GALR1: variants seen among roughly 807,000 people sequenced by gnomAD.
The protein encoded by GALR1 is galanin receptor type 1.
A neutral mutation model predicts 17.9 loss-of-function variants in GALR1; 11 were observed. The observed-to-expected ratio is 0.62, with a 90% CI of 0.39 to 1.02. GALR1 has a LOEUF of 1.02. GALR1 is among the 50% of genes least tolerant of loss of function. The pLI is 0.01. For synonymous variants in GALR1, 206 were observed against 205.7 expected (o/e 1.00, Z -0.01); for missense variants, 441 against 456.9 (o/e 0.97, Z 0.32).
chr18:77,250,957 A>G lies in GALR1; in HGVS notation c.409A>G (p.Ile137Val). Residue 137 changes from isoleucine (I) to valine (V), a missense_variant, in exon 1 of 3, where the codon ATC (isoleucine) becomes GTC (valine). Coordinates refer to ENST00000299727, the MANE Select transcript of GALR1 (RefSeq NM_001480.4). ...AAMSVDRYVA[I>V]VHSRRSSSLR... ...GATGTCCGTGGACCGCTACGTGGCC[A>G]TCGTGCACTCGCGGCGCTCCTCCTC... 1 of 1,604,208 alleles carries G rather than the reference A, an allele frequency of 6.2e-7. No homozygotes were observed. Among genetic ancestry groups the G allele is most frequent in the Non-Finnish European group, 8.5e-7 (1 of 1,179,940 alleles).
rs1035443414 is a variant in GALR1 at position 77,269,778 on chromosome 18, G to T, written c.*876G>T. 2.6e-5 allele frequency: 4 copies of T among 152,140 alleles called. No homozygotes were observed. The highest frequency in any genetic ancestry group is 5.9e-5 in the Non-Finnish European group (4 of 68,024). 9.4% of individuals were successfully genotyped at this position (152,140 alleles called of 1,614,324 possible). A position where few individuals can be genotyped will look rare whatever the true frequency, so the allele number is the denominator to read the frequency against. ...AGAGAGATGAAAAAAAATCAGCGAGGTTGATGTAGATAATAATTTCTATGG... is the reference window on the plus strand; with the variant it reads ...AGAGAGATGAAAAAAAATCAGCGAGTTTGATGTAGATAATAATTTCTATGG... On this transcript the variant is annotated 3_prime_UTR_variant, in exon 3 of 3. Transcript: ENST00000299727.
At position 77,271,461 on chromosome 18, in the gene GALR1, G is replaced by A. The variant is rs916851610; in HGVS notation, c.*2559G>A. 2.0e-5 allele frequency: 3 copies of A among 152,106 alleles called. No homozygotes were observed. The highest frequency in any genetic ancestry group is 4.4e-5 in the Non-Finnish European group (3 of 68,032). The allele number at this position is 152,106 out of a possible 1,614,324, so 9.4% of individuals were successfully genotyped here. On this transcript the variant is annotated 3_prime_UTR_variant, in exon 3 of 3. Coordinates refer to ENST00000299727, the MANE Select transcript of GALR1 (RefSeq NM_001480.4). ...ATTTTCTGAATAAAGAGTTTCAGAA[G>A]AACTCGTAAACAGAATGAAATTAAC...
At chr18:77,266,274 C>T (rs1236101404) in intron 2 of GALR1, among the ~76,000 whole-genome samples, 1 of 152,150 alleles carries the variant, frequency 6.6e-6, no homozygotes, top group African/African-American at 2.4e-5. Context: ...CTGAGACTAC[C>T]TTAGCCTGGA....
Position 77,268,561 on chromosome 18 carries a change from C to T in GALR1, c.733-24C>T, listed in dbSNP as rs1306394574. 4.4e-6 allele frequency: 7 copies of T among 1,577,642 alleles called. No individual in the cohort carries two copies. In the African/African-American group the frequency reaches 9.4e-5, roughly 21 times the overall value. Reference sequence around the variant, plus strand: ...CTTACCGCCTCCTCCTCCTCCTCCTCCTCCTCCTCTTCTTCTTTTCTAGAC... The same window carrying T: ...CTTACCGCCTCCTCCTCCTCCTCCTTCTCCTCCTCTTCTTCTTTTCTAGAC... On this transcript the variant is annotated intron_variant, in intron 2 of 2. Transcript: ENST00000299727.
At chr18:77,267,465 T>C (rs559144293) in intron 2 of GALR1, among the ~76,000 whole-genome samples, 34 of 152,172 alleles carry the variant, frequency 2.2e-4, no homozygotes, top group Non-Finnish European at 3.7e-4. Flanking sequence ...CATAGAGTCG[T>C]AAAGGACATT....
At chr18:77,264,630 T>C (rs34495321) in intron 2 of GALR1, among the ~76,000 whole-genome samples, 22,104 of 152,066 alleles carry the variant, frequency 0.15, 1,735 homozygotes, top group African/African-American at 0.18. Flanking sequence ...AATAAAGACA[T>C]ACCCAAGACT....
At chr18:77,254,942 T>C (rs1313433682) in intron 1 of GALR1, among the ~76,000 whole-genome samples, 1 of 152,196 alleles carries the variant, frequency 6.6e-6, no homozygotes, top group African/African-American at 2.4e-5. Flanking sequence ...GGCTGCTTGT[T>C]CACCTGCATA....
rs916234348 is a variant in GALR1 at position 77,264,831 on chromosome 18, G to T, written c.733-3754G>T. On this transcript the variant is annotated intron_variant, in intron 2 of 2. Coordinates refer to ENST00000299727, the MANE Select transcript of GALR1 (RefSeq NM_001480.4). Reference sequence around the variant, plus strand: ...CATCAGATCTCATGAGAACTCATTCGCTATCATGAGAATAGCATGAAGGTA... The same window carrying T: ...CATCAGATCTCATGAGAACTCATTCTCTATCATGAGAATAGCATGAAGGTA... Among the ~76,000 whole-genome samples the T allele has an allele frequency of 2.0e-5, 3 of 152,064 alleles. 1 individual carries two copies. The highest frequency in any genetic ancestry group is 7.2e-5 in the African/African-American group (3 of 41,396).
intron 2 of GALR1, among the ~76,000 whole-genome samples, chr18:77,258,281 T>G (rs1200229161): frequency 1.3e-5 from 2 of 152,216 alleles, no homozygotes; most frequent in Non-Finnish European, 2.9e-5. Context: ...AAAATTATCT[T>G]TTGCTTATTC....
chr18:77,256,249 A>ATC (rs201773468), intron 2 of GALR1, 26 bp downstream of exon 2: 1 of 1,225,810 alleles, frequency 8.2e-7, no homozygotes, highest in East Asian at 2.3e-5. Context: ...ATATATATAT[A>ATC]TGTTACTTTT....
chr18:77,270,646 A>G lies in GALR1; in HGVS notation c.*1744A>G, dbSNP rs1411290950. ...TGCAAACTTGACATAAGCCTTTGGC[A>G]TGCTAATTTTTTTAGCTCATTCACT... On this transcript the variant is annotated 3_prime_UTR_variant, in exon 3 of 3. Transcript: ENST00000299727. The G allele has an allele frequency of 3.3e-5, 5 of 152,100 alleles. No individual in the cohort carries two copies. Among genetic ancestry groups the G allele is most frequent in the Non-Finnish European group, 7.4e-5 (5 of 68,024 alleles). The allele number at this position is 152,100 out of a possible 1,614,324, so 9.4% of individuals were successfully genotyped here.
rs1236709743 is a variant in GALR1 at position 77,276,083 on chromosome 18, G to C, written c.*7181G>C. 6.6e-6 allele frequency: 1 copy of C among 152,170 alleles called. No individual in the cohort carries two copies. The highest frequency in any genetic ancestry group is 2.4e-5 in the African/African-American group (1 of 41,428). The allele number at this position is 152,170 out of a possible 1,614,324, so 9.4% of individuals were successfully genotyped here. On this transcript the variant is annotated 3_prime_UTR_variant, in exon 3 of 3. Transcript: ENST00000299727. ...AAATATTTATAAGCCAGAAATGGTT[G>C]TGTAAATGTTAGTTTTCATATTTTG...
chr18:77,256,279 G>GC (rs1007550931), intron 2 of GALR1, 56 bp downstream of exon 2: 34 of 1,030,356 alleles, frequency 3.3e-5, no homozygotes, highest in Non-Finnish European at 4.3e-5. Flanking sequence ...GTTTACCTTT[G>GC]TTTTTTTTAC....
chr18:77,255,066 G>A (rs1241661188), intron 1 of GALR1, among the ~76,000 whole-genome samples: 2 of 152,146 alleles, frequency 1.3e-5, no homozygotes, highest in African/African-American at 4.8e-5. Flanking sequence ...AGTTCAATTC[G>A]ATTAAATTAT....
At position 77,256,127 on chromosome 18, in the gene GALR1, C is replaced by T. The variant is rs192986033; in HGVS notation, c.667-31C>T. ...AGGCAGTGGGTTATGAGAGGTGAGGCGAACTGATTTCAATAGTCTGTGTCT... is the reference window on the plus strand; with the variant it reads ...AGGCAGTGGGTTATGAGAGGTGAGGTGAACTGATTTCAATAGTCTGTGTCT... On this transcript the variant is annotated intron_variant, in intron 1 of 2. Transcript: ENST00000299727. 2.6e-4 allele frequency: 354 copies of T among 1,348,462 alleles called. No homozygotes were observed. In the African/African-American group the frequency reaches 3.1e-3, roughly 12 times the overall value. 83.5% of individuals were successfully genotyped at this position (1,348,462 alleles called of 1,614,324 possible).
chr18:77,254,681 T>A (rs989132973), intron 1 of GALR1, among the ~76,000 whole-genome samples: 2 of 152,212 alleles, frequency 1.3e-5, no homozygotes, highest in African/African-American at 4.8e-5. Context: ...TTCCTTCCCC[T>A]TTGAAACGCT....
rs945625870 is a variant in GALR1 at position 77,274,436 on chromosome 18, G to T, written c.*5534G>T. On this transcript the variant is annotated 3_prime_UTR_variant, in exon 3 of 3. Transcript: ENST00000299727. ...GTGTGGCCTGCACTGTGTAAGTGTC[G>T]TTCCCCTAGGACTTCTGCAATGGGA... 1 of 152,228 alleles carries T rather than the reference G, an allele frequency of 6.6e-6. No homozygotes were observed. Among genetic ancestry groups the T allele is most frequent in the Non-Finnish European group, 1.5e-5 (1 of 68,124 alleles). 9.4% of individuals were successfully genotyped at this position (152,228 alleles called of 1,614,324 possible). A position where few individuals can be genotyped will look rare whatever the true frequency, so the allele number is the denominator to read the frequency against.
At chr18:77,267,903 C>G (rs1337559433) in intron 2 of GALR1, among the ~76,000 whole-genome samples, 1 of 152,166 alleles carries the variant, frequency 6.6e-6, no homozygotes, top group Non-Finnish European at 1.5e-5. Context: ...AGGTCCCTAA[C>G]CAGCGATGAC....
chr18:77,267,541 G>A (rs151219925), intron 2 of GALR1, among the ~76,000 whole-genome samples: 46 of 152,318 alleles, frequency 3.0e-4, no homozygotes, highest in African/African-American at 1.0e-3. Context: ...TGTGACCATC[G>A]CGGCACTAGA....
Sources: gnomAD v4.1 joint callset for allele counts (sites outside exome capture counted in the v4.1 genomes callset) on GRCh38, gnomAD v4.1.1 for gene constraint, MANE v1.5 for transcripts, NCBI Gene and HGNC (gene_info 2026-07-23, HGNC 2026-07-21) for gene names.